SLC46A2: variants seen among roughly 807,000 people sequenced by gnomAD.
SLC46A2 encodes thymic stromal co-transporter.
SLC46A2 carries 25 observed loss-of-function variants against 33.1 expected under a neutral mutation model. That is an observed-to-expected ratio of 0.76 (90% CI 0.55 to 1.06). The LOEUF (loss-of-function observed/expected upper bound fraction) is 1.06. Ranked by LOEUF, SLC46A2 falls within the 50% of genes least tolerant of loss-of-function variation. The pLI, the probability that SLC46A2 is intolerant of heterozygous loss-of-function variation, is 0.00. For missense variants in SLC46A2, 622 were observed against 621.7 expected (o/e 1.00, Z 0.00); for synonymous variants, 254 against 275.9 (o/e 0.92, Z 0.79).
At chr9:112,886,319 T>C in intron 3 of SLC46A2, 141 bp downstream of exon 3, 1 of 847,528 alleles carries the variant, frequency 1.2e-6, no homozygotes, top group Non-Finnish European at 1.8e-6. Context: ...GACTTTTTCT[T>C]TGTGAGAGAG....
chr9:112,888,361 A>G (rs1033393050), intron 1 of SLC46A2, among the ~76,000 whole-genome samples: 1 of 152,142 alleles, frequency 6.6e-6, no homozygotes, highest in African/African-American at 2.4e-5. Context: ...ACTCTGTCCT[A>G]TGCTGTTTAA....
At chr9:112,889,387 T>A (rs1051636166) in intron 1 of SLC46A2, among the ~76,000 whole-genome samples, 166 bp downstream of exon 1, 3 of 152,112 alleles carry the variant, frequency 2.0e-5, no homozygotes, top group South Asian at 2.1e-4. Flanking sequence ...AACAATACAT[T>A]ACAGATAAAC....
chr9:112,883,514 A>C (rs1039915773), intron 3 of SLC46A2, among the ~76,000 whole-genome samples: 1 of 151,270 alleles, frequency 6.6e-6, no homozygotes, highest in African/African-American at 2.4e-5. Flanking sequence ...ATTGTTTGGG[A>C]AGATTAGTTT....
chr9:112,880,096 T>C (rs1841559167), intron 3 of SLC46A2: 1 of 289,628 alleles, frequency 3.5e-6, no homozygotes, highest in Admixed American at 4.9e-5. Context: ...TTTGGGAGGT[T>C]GAGGCAGGTG....
intron 3 of SLC46A2, among the ~76,000 whole-genome samples, chr9:112,882,975 T>C (rs946210571): frequency 4.6e-5 from 7 of 152,220 alleles, no homozygotes; most frequent in Non-Finnish European, 1.0e-4. Context: ...TGAGGTGTTT[T>C]GAAAGCCATG....
intron 1 of SLC46A2, among the ~76,000 whole-genome samples, chr9:112,887,699 T>C (rs568040851): frequency 1.3e-5 from 2 of 152,206 alleles, no homozygotes; most frequent in South Asian, 4.2e-4. Flanking sequence ...AGTTGAGTGA[T>C]TACTAGGGAA....
chr9:112,884,462 T>C (rs1201125563), intron 3 of SLC46A2, among the ~76,000 whole-genome samples: 2 of 152,218 alleles, frequency 1.3e-5, no homozygotes, highest in Admixed American at 6.5e-5. Flanking sequence ...CTTTAGTGAC[T>C]TTGCGGAAAG....
chr9:112,887,545 C>T (rs1192899246), intron 1 of SLC46A2, 132 bp from the exon 2 acceptor site: 3 of 753,122 alleles, frequency 4.0e-6, no homozygotes, highest in African/African-American at 3.6e-5. Context: ...GAAGTCATTT[C>T]TCTGCTGGCA....
At chr9:112,885,991 C>T (rs1341258554) in intron 3 of SLC46A2, among the ~76,000 whole-genome samples, 1 of 152,180 alleles carries the variant, frequency 6.6e-6, no homozygotes, top group Non-Finnish European at 1.5e-5. Context: ...GTCTGAGGCC[C>T]TGTCTGGAGC....
intron 3 of SLC46A2, chr9:112,880,029 CT>C: frequency 2.1e-6 from 1 of 466,444 alleles, no homozygotes; most frequent in Non-Finnish European, 3.9e-6. Flanking sequence ...CCCATTGTTC[CT>C]TTAGATAGAA....
chr9:112,886,222 G>C (rs1841640644), intron 3 of SLC46A2, among the ~76,000 whole-genome samples: 1 of 152,232 alleles, frequency 6.6e-6, no homozygotes, highest in African/African-American at 2.4e-5. Flanking sequence ...CTGCCAAAGA[G>C]TGAGCCAGTG....
In SLC46A2 at chr9:112,890,609, C is replaced by T. The variant is rs770678832; in HGVS notation, c.73G>A (p.Val25Met). 21 of 1,607,164 alleles carry T rather than the reference C, an allele frequency of 1.3e-5. No homozygotes were observed. In the Admixed American group the frequency reaches 3.5e-4, roughly 27 times the overall value. ...GCAGCCACCTGGGACGAGGCCACCA[C>T]GGGCTCAACCCAGGTCCTCGGGTGG... ...RFHPRTWVEP[V>M]VASSQVAASL... Residue 25 changes from valine to methionine, a missense_variant, in exon 1 of 4, where the codon GTG (valine) becomes ATG (methionine). Coordinates refer to ENST00000374228, the MANE Select transcript of SLC46A2 (RefSeq NM_033051.4). This position sits in a 1 kb window ranked among gnomAD's most constrained non-coding sequence, Gnocchi z 6.0.
chr9:112,879,373 G>A lies in SLC46A2; in HGVS notation c.*389C>T, dbSNP rs1841550901. On this transcript the variant is annotated 3_prime_UTR_variant, in exon 4 of 4. Transcript: ENST00000374228. ...TTTCAGCACAGCACCCAGGTGACTAGTTAGCTATACTTTGGAGCCCTCAAG... is the reference window on the plus strand; with the variant it reads ...TTTCAGCACAGCACCCAGGTGACTAATTAGCTATACTTTGGAGCCCTCAAG... 5.6e-6 allele frequency: 1 copy of A among 177,998 alleles called. No individual in the cohort carries two copies. Among genetic ancestry groups the A allele is most frequent in the Non-Finnish European group, 1.2e-5 (1 of 85,098 alleles). The allele number at this position is 177,998 out of a possible 1,614,324, so 11.0% of individuals were successfully genotyped here.
intron 3 of SLC46A2, 76 bp downstream of exon 3, chr9:112,886,384 G>T (rs1841642213): frequency 6.7e-7 from 1 of 1,484,856 alleles, no homozygotes. Flanking sequence ...GTGATGGTGG[G>T]CTGGAGAAGG....
intron 3 of SLC46A2, among the ~76,000 whole-genome samples, chr9:112,882,188 C>T (rs1241039657): frequency 6.6e-6 from 1 of 152,180 alleles, no homozygotes; most frequent in Non-Finnish European, 1.5e-5. Context: ...CTCATTGCAG[C>T]CTCAACCTCC....
At position 112,890,495 on chromosome 9, in the gene SLC46A2, G is replaced by A; in HGVS notation, c.187C>T (p.Arg63Trp). The A allele has an allele frequency of 6.2e-7, 1 of 1,614,182 alleles. No individual in the cohort carries two copies. The highest frequency in any genetic ancestry group is 8.5e-7 in the Non-Finnish European group (1 of 1,180,030). Residue 63 changes from arginine to tryptophan, a missense_variant, in exon 1 of 4, where the codon CGG (arginine) becomes TGG (tryptophan). Transcript: ENST00000374228. The surrounding 1 kb of genome is among the most constrained non-coding windows in gnomAD (Gnocchi z 6.0). ...SSNHSASPSP[R>W]GALEDQQQRA... is the part of the protein sequence containing the mutation. ...TGCTGTTGGTCCTCTAGAGCCCCCC[G>A]GGGCGATGGGCTGGCACTGTGGTTG...
intron 1 of SLC46A2, among the ~76,000 whole-genome samples, chr9:112,888,708 C>G (rs182754153): frequency 1.9e-4 from 29 of 152,250 alleles, no homozygotes; most frequent in African/African-American, 6.7e-4. Flanking sequence ...GACTTGTGCC[C>G]TCAGATGGAA....
chr9:112,890,311 A>ATCT lies in SLC46A2; in HGVS notation c.370_371insAGA (p.Leu124delinsGlnMet). On this transcript the variant is annotated protein_altering_variant, in exon 1 of 4. Coordinates refer to ENST00000374228, the MANE Select transcript of SLC46A2 (RefSeq NM_033051.4). The surrounding 1 kb of genome is among the most constrained non-coding windows in gnomAD (Gnocchi z 6.0). Reference sequence around the variant, plus strand: ...TGGCCAGTCCAGCAGCACCTTGAGCAGCAGCCCGAGGCGGGAGAGCAGGAA... The same window carrying ATCT: ...TGGCCAGTCCAGCAGCACCTTGAGCATCTGCAGCCCGAGGCGGGAGAGCAGGAA... The ATCT allele has an allele frequency of 1.2e-6, 2 of 1,613,824 alleles. No individual in the cohort carries two copies. The highest frequency in any genetic ancestry group is 1.7e-6 in the Non-Finnish European group (2 of 1,179,968).
In SLC46A2 at chr9:112,879,717, G is replaced by T. The variant is rs775084075; in HGVS notation, c.*45C>A. ...CTGGTCCCTTCTTTTGTCTTCTGGG[G>T]GCCTGGCCATGGCTGATGTTTTCAG... is the stretch of plus-strand genomic sequence containing the variant. On this transcript the variant is annotated 3_prime_UTR_variant, in exon 4 of 4. Coordinates refer to ENST00000374228, the MANE Select transcript of SLC46A2 (RefSeq NM_033051.4). 2 of 1,565,194 alleles carry T rather than the reference G, an allele frequency of 1.3e-6. No homozygotes were observed. The highest frequency in any genetic ancestry group is 3.3e-5 in the Admixed American group (2 of 59,800).
Sources: allele counts gnomAD v4.1 joint callset (sites outside exome capture counted in the v4.1 genomes callset), GRCh38; gene constraint gnomAD v4.1.1; non-coding constraint Gnocchi (gnomAD v3.1); transcripts MANE v1.5; gene names NCBI Gene and HGNC (gene_info 2026-07-23, HGNC 2026-07-21).